Variants in CTNNA3 observed in about 807,000 individuals in gnomAD.
CTNNA3 encodes catenin alpha-3.
Under a neutral mutation model 95.7 loss-of-function variants are expected in CTNNA3, and 76 were observed. The ratio of observed to expected loss-of-function variants is 0.79; its 90% confidence interval spans 0.66 to 0.96. The LOEUF (loss-of-function observed/expected upper bound fraction) is 0.96. Among genes scored for constraint, CTNNA3 ranks in the 40% least tolerant of loss-of-function variants. The pLI is 0.00. For synonymous variants in CTNNA3, 431 were observed against 374.4 expected (o/e 1.15, Z -1.74); for missense variants, 1,191 against 1,089.8 (o/e 1.09, Z -1.31).
intron 7 of CTNNA3, among the ~76,000 whole-genome samples, chr10:67,100,384 T>G (rs781421439): frequency 1.7e-4 from 26 of 151,886 alleles, no homozygotes; most frequent in East Asian, 9.7e-4. Flanking sequence ...GGATGATGAT[T>G]ATTATTATTT....
intron 7 of CTNNA3, among the ~76,000 whole-genome samples, chr10:66,784,230 A>G (rs1840652127): frequency 6.6e-6 from 1 of 152,206 alleles, no homozygotes; most frequent in South Asian, 2.1e-4. Flanking sequence ...TTCATATTCT[A>G]AAGCATGTGA....
rs531930195 is a variant in CTNNA3, at chr10:67,505,711, T to C, written c.579+16131A>G. Among the ~76,000 whole-genome samples the C allele has an allele frequency of 5.9e-5, 9 of 152,362 alleles. No homozygotes were observed. In the South Asian group the frequency reaches 1.7e-3, roughly 28 times the overall value. ...CTTGGAAAATCAGTCACAAGTCAGCTGTTAATGCTGTGTGGATGCAACCAC... is the reference window on the plus strand; with the variant it reads ...CTTGGAAAATCAGTCACAAGTCAGCCGTTAATGCTGTGTGGATGCAACCAC... On this transcript the variant is annotated intron_variant, in intron 5 of 17. Transcript: ENST00000433211.
intron 7 of CTNNA3, among the ~76,000 whole-genome samples, chr10:66,850,842 A>G (rs1369335637): frequency 6.6e-6 from 1 of 152,162 alleles, no homozygotes; most frequent in Admixed American, 6.6e-5. Flanking sequence ...CAACAGTTCT[A>G]TCTTCTGCCT....
intron 13 of CTNNA3, among the ~76,000 whole-genome samples, chr10:66,110,514 A>T (rs539469813): frequency 3.3e-5 from 5 of 152,238 alleles, no homozygotes; most frequent in Non-Finnish European, 7.4e-5. Flanking sequence ...CTATATATAC[A>T]CACACAAACA....
intron 2 of CTNNA3, among the ~76,000 whole-genome samples, chr10:67,637,902 C>A (rs1309010856): frequency 6.6e-6 from 1 of 152,142 alleles, no homozygotes; most frequent in East Asian, 1.9e-4. Context: ...CCAGCCACTG[C>A]AAAAACATGC....
At chr10:67,660,644 G>A (rs934872316) in intron 1 of CTNNA3, among the ~76,000 whole-genome samples, 2 of 152,018 alleles carry the variant, frequency 1.3e-5, no homozygotes, top group Non-Finnish European at 2.9e-5. Flanking sequence ...AGAGAAATGC[G>A]AATTAAGTCC....
At chr10:67,710,833 G>A (rs747250407) in intron 1 of CTNNA3, among the ~76,000 whole-genome samples, 10 of 152,176 alleles carry the variant, frequency 6.6e-5, no homozygotes, top group South Asian at 2.1e-4. Flanking sequence ...ATCCAAAGCA[G>A]CAGGGCAAGG....
intron 6 of CTNNA3, among the ~76,000 whole-genome samples, chr10:67,204,171 G>A (rs16924212): frequency 0.065 from 9,841 of 152,108 alleles, 483 homozygotes; most frequent in African/African-American, 0.13. Flanking sequence ...CTTGATTCCT[G>A]CTGATATGGT....
chr10:66,170,044 C>G (rs193146694), intron 13 of CTNNA3, among the ~76,000 whole-genome samples: 4 of 152,082 alleles, frequency 2.6e-5, no homozygotes. Context: ...ACTTATTTAT[C>G]TTCGTTTTTG....
intron 3 of CTNNA3, among the ~76,000 whole-genome samples, chr10:67,588,003 T>C (rs1025380804): frequency 1.3e-5 from 2 of 152,110 alleles, no homozygotes; most frequent in Non-Finnish European, 2.9e-5. Flanking sequence ...TGTGGAAGCT[T>C]TTGAATACAT....
chr10:66,264,142 T>A (rs1305358938), intron 13 of CTNNA3, among the ~76,000 whole-genome samples: 2 of 151,984 alleles, frequency 1.3e-5, no homozygotes, highest in Non-Finnish European at 2.9e-5. Context: ...CAATGGCTGA[T>A]ATAATATAAC....
chr10:67,600,068 A>C (rs1843037868), intron 3 of CTNNA3, among the ~76,000 whole-genome samples: 1 of 152,114 alleles, frequency 6.6e-6, no homozygotes, highest in African/African-American at 2.4e-5. Flanking sequence ...ACTGGTTTTC[A>C]ACAAAGGTGA....
At chr10:66,850,811 A>G (rs1275719714) in intron 7 of CTNNA3, among the ~76,000 whole-genome samples, 1 of 152,158 alleles carries the variant, frequency 6.6e-6, no homozygotes, top group Non-Finnish European at 1.5e-5. Context: ...ATTTAGTTTC[A>G]GGTGACCAAG....
chr10:67,745,775 C>T (rs918258138), intron 1 of CTNNA3, among the ~76,000 whole-genome samples: 3 of 151,846 alleles, frequency 2.0e-5, no homozygotes, highest in Admixed American at 1.3e-4. Flanking sequence ...TTATATATGT[C>T]AAAAGCAAAA....
intron 5 of CTNNA3, among the ~76,000 whole-genome samples, chr10:67,454,253 T>C (rs971189601): frequency 5.9e-5 from 9 of 152,262 alleles, no homozygotes; most frequent in Admixed American, 2.0e-4. Flanking sequence ...ATTGAAGCTA[T>C]TGGTACCTTC....
At chr10:66,154,881 G>A (rs1173475501) in intron 13 of CTNNA3, among the ~76,000 whole-genome samples, 1 of 150,976 alleles carries the variant, frequency 6.6e-6, no homozygotes, top group African/African-American at 2.4e-5. Context: ...TCTTTTAGAG[G>A]AATATGTGCA....
chr10:66,331,342 GTTTTTTTTTTTTTTT>G (rs60709020), intron 12 of CTNNA3, among the ~76,000 whole-genome samples: 2 of 80,346 alleles, frequency 2.5e-5, no homozygotes, highest in South Asian at 4.7e-4. Context: ...CCCATTGTTT[GTTTTTTTTTTTTTTT>G]TTTTTTTTTT....
intron 12 of CTNNA3, among the ~76,000 whole-genome samples, chr10:66,366,588 G>A (rs1336792456): frequency 6.6e-6 from 1 of 152,088 alleles, no homozygotes; most frequent in Admixed American, 6.6e-5. Flanking sequence ...TCATCTATGA[G>A]GGATGCATCC....
chr10:66,209,661 G>A (rs7067590), intron 13 of CTNNA3, among the ~76,000 whole-genome samples: 56,516 of 151,896 alleles, frequency 0.37, 10,905 homozygotes, highest in Admixed American at 0.42. Context: ...ATGTTTTGAA[G>A]AGCATGAAAA....
Sources: gnomAD v4.1 joint callset for allele counts (sites outside exome capture counted in the v4.1 genomes callset) on GRCh38, gnomAD v4.1.1 for gene constraint, MANE v1.5 for transcripts, NCBI Gene and HGNC (gene_info 2026-07-23, HGNC 2026-07-21) for gene names.